The following ABLIM1 variants were observed in gnomAD, a reference collection of about 807,000 sequenced individuals.
ABLIM1 encodes actin binding LIM protein 1.
Under a neutral mutation model 107.0 loss-of-function variants are expected in ABLIM1, and 40 were observed. The observed-to-expected ratio is 0.37, with a 90% CI of 0.29 to 0.49. ABLIM1 has a LOEUF of 0.49. Ranked by LOEUF, ABLIM1 falls within the 20% of genes least tolerant of loss-of-function variation. The probability of loss-of-function intolerance (pLI) is 0.97; values close to 1 mark genes in which losing one functional copy is unlikely to be tolerated. For missense variants in ABLIM1, 857 were observed against 1,008.5 expected (o/e 0.85, Z 2.04); for synonymous variants, 357 against 357.3 (o/e 1.00, Z 0.01).
intron 1 of ABLIM1, among the ~76,000 whole-genome samples, chr10:114,739,688 T>C (rs1198810573): frequency 6.6e-6 from 1 of 152,078 alleles, no homozygotes; most frequent in Admixed American, 6.6e-5. Flanking sequence ...AACAAAATAA[T>C]TGCATAACAA....
intron 6 of ABLIM1, among the ~76,000 whole-genome samples, chr10:114,495,023 G>A (rs761296341): frequency 1.3e-4 from 20 of 152,064 alleles, no homozygotes; most frequent in Admixed American, 2.6e-4. Flanking sequence ...TTACATCAAC[G>A]AGGACACACA....
chr10:114,699,927 C>G (rs548024140), intron 1 of ABLIM1, among the ~76,000 whole-genome samples: 2 of 152,104 alleles, frequency 1.3e-5, no homozygotes, highest in Admixed American at 1.3e-4. Flanking sequence ...TTGCCCCAAT[C>G]CATGAGAGAA....
At chr10:114,531,827 C>T (rs2065480965) in intron 6 of ABLIM1, among the ~76,000 whole-genome samples, 1 of 151,432 alleles carries the variant, frequency 6.6e-6, no homozygotes, top group South Asian at 2.1e-4. Context: ...GATTATTTAG[C>T]TTTAAGTGTG....
rs567247827 is a variant in ABLIM1, at chr10:114,752,750, T to C, written c.-213+15311A>G. Among the ~76,000 whole-genome samples, 13 of 152,280 alleles carry C rather than the reference T, an allele frequency of 8.5e-5. No homozygotes were observed. The East Asian group carries it at 2.5e-3, about 29-fold the overall frequency. On this transcript the variant is annotated intron_variant, in intron 1 of 15. Coordinates refer to the ABLIM1 transcript ENST00000651092. ...ATAATGGCTTCCAGCTCCATCCATG[T>C]CCCTGAAAAGGACATGATCTCATTC...
chr10:114,548,035 A>C (rs1233333113), intron 4 of ABLIM1, among the ~76,000 whole-genome samples: 1 of 152,204 alleles, frequency 6.6e-6, no homozygotes, highest in African/African-American at 2.4e-5. Context: ...CCATCTGCTT[A>C]CTTGGGGGTT....
At chr10:114,562,516 G>A (rs1232763017) in intron 4 of ABLIM1, among the ~76,000 whole-genome samples, 1 of 152,168 alleles carries the variant, frequency 6.6e-6, no homozygotes, top group Non-Finnish European at 1.5e-5. Flanking sequence ...GCAACACAGT[G>A]AGACTCCATC....
chr10:114,654,801 A>C (rs1473249307), intron 1 of ABLIM1, among the ~76,000 whole-genome samples: 1 of 152,204 alleles, frequency 6.6e-6, no homozygotes, highest in Non-Finnish European at 1.5e-5. Flanking sequence ...GATCCTCTGC[A>C]TCTCTCCCAT....
intron 1 of ABLIM1, among the ~76,000 whole-genome samples, chr10:114,743,742 T>A (rs778477763): frequency 3.3e-5 from 5 of 152,302 alleles, no homozygotes; most frequent in Admixed American, 6.5e-5. Flanking sequence ...TGTGGCTGCC[T>A]CCTGTTCTCC....
chr10:114,432,887 C>T lies in ABLIM1; in HGVS notation c.*3373G>A, dbSNP rs2059002975. The T allele has an allele frequency of 6.6e-6, 1 of 152,208 alleles. No homozygotes were observed. Among genetic ancestry groups the T allele is most frequent in the Admixed American group, 6.5e-5 (1 of 15,276 alleles). The allele number at this position is 152,208 out of a possible 1,614,324, so 9.4% of individuals were successfully genotyped here. On this transcript the variant is annotated 3_prime_UTR_variant, in exon 23 of 23. Coordinates refer to ENST00000533213, the MANE Select transcript of ABLIM1 (RefSeq NM_002313.7). ...GTTATTGAACACGTCATATTAAGAA[C>T]ATTTCATAACTAACCCCAAACCAAA...
intron 6 of ABLIM1, among the ~76,000 whole-genome samples, chr10:114,517,621 G>A (rs7071364): frequency 0.013 from 1,924 of 152,192 alleles, 40 homozygotes; most frequent in African/African-American, 0.044. Flanking sequence ...CGGGGAGGGG[G>A]GCCACAGTAC....
intron 17 of ABLIM1, among the ~76,000 whole-genome samples, chr10:114,442,287 C>T (rs894393668): frequency 6.6e-6 from 1 of 152,170 alleles, no homozygotes; most frequent in Non-Finnish European, 1.5e-5. Context: ...TGTATGTTAT[C>T]AAGATCTACC....
chr10:114,627,702 C>CAT (rs941998384), intron 1 of ABLIM1, among the ~76,000 whole-genome samples: 4 of 152,206 alleles, frequency 2.6e-5, no homozygotes, highest in African/African-American at 4.8e-5. Context: ...AAATAAGGCC[C>CAT]ATAAATAAGG....
intron 1 of ABLIM1, among the ~76,000 whole-genome samples, chr10:114,651,509 A>C (rs1187425331): frequency 6.6e-6 from 1 of 152,188 alleles, no homozygotes; most frequent in African/African-American, 2.4e-5. Flanking sequence ...CCAACGTGAA[A>C]GCATCCTTCA....
intron 8 of ABLIM1, among the ~76,000 whole-genome samples, chr10:114,484,355 TCA>T (rs2057858321): frequency 6.6e-6 from 1 of 152,176 alleles, no homozygotes; most frequent in East Asian, 1.9e-4. Context: ...GTGCCTGTTC[TCA>T]GTTTCTTCCT....
At chr10:114,607,643 C>A (rs544691165) in intron 1 of ABLIM1, among the ~76,000 whole-genome samples, 1 of 152,046 alleles carries the variant, frequency 6.6e-6, no homozygotes, top group Non-Finnish European at 1.5e-5. Flanking sequence ...GGTCTTCCTT[C>A]CAAAAACAAA....
At chr10:114,624,812 C>A (rs1255838789) in intron 1 of ABLIM1, among the ~76,000 whole-genome samples, 1 of 150,694 alleles carries the variant, frequency 6.6e-6, no homozygotes, top group East Asian at 1.9e-4. Context: ...TTTCCTTTAG[C>A]TTTGGAAATC....
chr10:114,461,827 TAAAAAATA>T (rs1345634863), intron 12 of ABLIM1, among the ~76,000 whole-genome samples: 1 of 151,688 alleles, frequency 6.6e-6, no homozygotes, highest in East Asian at 1.9e-4. Flanking sequence ...TCAAAACAAA[TAAAAAATA>T]AAAAAATAAA....
chr10:114,717,955 GA>G (rs1237356373), intron 1 of ABLIM1, among the ~76,000 whole-genome samples: 1 of 139,438 alleles, frequency 7.2e-6, no homozygotes, highest in Non-Finnish European at 1.5e-5. Flanking sequence ...AGGGGAGGGG[GA>G]AAGAGAGAAA....
intron 1 of ABLIM1, among the ~76,000 whole-genome samples, chr10:114,650,359 T>G (rs1402843650): frequency 6.6e-6 from 1 of 152,220 alleles, no homozygotes; most frequent in Non-Finnish European, 1.5e-5. Context: ...CAAATTTGTT[T>G]AAAGCCTGGA....
Sources: allele counts gnomAD v4.1 joint callset (sites outside exome capture counted in the v4.1 genomes callset), GRCh38; gene constraint gnomAD v4.1.1; transcripts MANE v1.5; gene names NCBI Gene and HGNC (gene_info 2026-07-23, HGNC 2026-07-21).